GATA4: variants seen among roughly 807,000 people sequenced by gnomAD.
GATA4 encodes the protein transcription factor GATA-4.
A neutral mutation model predicts 37.9 loss-of-function variants in GATA4; 7 were observed. The ratio of observed to expected loss-of-function variants is 0.18; its 90% CI spans 0.11 to 0.35. GATA4 has a LOEUF of 0.35. Among genes scored for constraint, GATA4 ranks in the 10% least tolerant of loss-of-function variants. The pLI is 1.00. For synonymous variants in GATA4, 372 were observed against 292.6 expected, an observed-to-expected ratio of 1.27 and a Z score of -2.77; for missense variants, 647 against 653.0, an observed-to-expected ratio of 0.99 and a Z score of 0.10.
intron 2 of GATA4, among the ~76,000 whole-genome samples, chr8:11,722,924 G>A (rs1467016876): frequency 6.6e-6 from 1 of 152,184 alleles, no homozygotes; most frequent in Admixed American, 6.5e-5. Context: ...GGTACAGTTT[G>A]TCTAGGAAAG....
At chr8:11,746,287 T>G (rs1475100484) in intron 2 of GATA4, among the ~76,000 whole-genome samples, 4 of 151,978 alleles carry the variant, frequency 2.6e-5, no homozygotes, top group Admixed American at 2.6e-4. Flanking sequence ...GGAGTATCTC[T>G]TGAGGCCAGG....
At chr8:11,751,868 C>T (rs1318529352) in intron 4 of GATA4, among the ~76,000 whole-genome samples, 1 of 152,190 alleles carries the variant, frequency 6.6e-6, no homozygotes, top group African/African-American at 2.4e-5. Flanking sequence ...TGAATTACTG[C>T]ATCTATTAAC....
At chr8:11,697,716 T>G (rs1799547062) in intron 1 of GATA4, 3 of 985,408 alleles carry the variant, frequency 3.0e-6, no homozygotes, top group Middle Eastern at 5.2e-4. Flanking sequence ...CGCGCTTCCT[T>G]GACACTTTCC....
rs3729849 is a variant in GATA4, at chr8:11,750,450, A to G, written c.912+214A>G. ...TTACAGATGAGCAGGCTACATTTAT[A>G]TGTAGCAGTTTGATGTGTAACAAAG... On this transcript the variant is annotated intron_variant, in intron 4 of 6. Coordinates refer to ENST00000532059, the MANE Select transcript of GATA4 (RefSeq NM_001308093.3). Among the ~76,000 whole-genome samples the G allele has an allele frequency of 0.42, 63,168 of 152,162 alleles. 14,732 individuals are homozygous for G. The highest frequency in any genetic ancestry group is 0.61 in the East Asian group (3,171 of 5,178).
intron 2 of GATA4, among the ~76,000 whole-genome samples, chr8:11,720,794 G>A (rs1800638858): frequency 6.6e-6 from 1 of 151,022 alleles, no homozygotes; most frequent in Admixed American, 6.6e-5. Flanking sequence ...TTTTTTATAC[G>A]GCTGCATTGT....
In GATA4 at chr8:11,708,120, G is replaced by C. The variant is rs772015996; in HGVS notation, c.-193G>C. 917 of 714,996 alleles carry C rather than the reference G, an allele frequency of 1.3e-3. 7 individuals are homozygous for C. The highest frequency in any genetic ancestry group is 7.3e-4 in the Middle Eastern group (2 of 2,752). 44.3% of individuals were successfully genotyped at this position (714,996 alleles called of 1,614,324 possible). ...ATTTTCCGGAGTAAACAAGAGCCTA[G>C]AGCCCTTTGCTCAATGCTGGATTTA... On this transcript the variant is annotated 5_prime_UTR_variant, in exon 2 of 7. Coordinates refer to ENST00000532059, the MANE Select transcript of GATA4 (RefSeq NM_001308093.3). The surrounding 1 kb of genome is among the most constrained non-coding windows in gnomAD (Gnocchi z 6.7).
chr8:11,694,528 G>A (rs747562105), intron 1 of GATA4: 3 of 985,176 alleles, frequency 3.0e-6, no homozygotes, highest in Non-Finnish European at 2.4e-6. Context: ...TGGTTCCTCT[G>A]CTGCTTAATT....
chr8:11,688,473 C>T (rs1799209603), upstream of GATA4, among the ~76,000 whole-genome samples: 2 of 152,094 alleles, frequency 1.3e-5, no homozygotes, highest in Admixed American at 1.3e-4. Flanking sequence ...CTTTTTAAAC[C>T]TACTGAGGTG....
chr8:11,758,530 AAAG>A lies in GATA4; in HGVS notation c.*59_*61del. 2 of 1,586,720 alleles carry A rather than the reference AAAG, an allele frequency of 1.3e-6. No homozygotes were observed. Among genetic ancestry groups the A allele is most frequent in the African/African-American group, 1.3e-5 (1 of 74,422 alleles). ...ACGGACCTGGGACTTGGAGGATAGC[AAAG>A]AAGGAGGCCCTGGGCTCCCAGGGGC... On this transcript the variant is annotated 3_prime_UTR_variant, in exon 7 of 7. Coordinates refer to ENST00000532059, the MANE Select transcript of GATA4 (RefSeq NM_001308093.3).
upstream of GATA4, among the ~76,000 whole-genome samples, chr8:11,701,997 C>T (rs911099558): frequency 2.0e-5 from 3 of 152,190 alleles, no homozygotes; most frequent in Admixed American, 6.5e-5. Context: ...CACAGTACAG[C>T]CTGTTATAGC....
upstream of GATA4, chr8:11,692,452 C>G (rs1468706642): frequency 2.2e-6 from 2 of 898,384 alleles, no homozygotes; most frequent in Admixed American, 6.2e-5. Flanking sequence ...TCGAATGAAC[C>G]CTAATAGAAT....
chr8:11,701,000 C>G (rs1025580046), upstream of GATA4, among the ~76,000 whole-genome samples: 2 of 152,168 alleles, frequency 1.3e-5, no homozygotes, highest in Non-Finnish European at 2.9e-5. Flanking sequence ...ATTCCAGCAT[C>G]CACCGTTTAT....
chr8:11,688,196 A>G (rs1799200736), upstream of GATA4, among the ~76,000 whole-genome samples: 1 of 152,242 alleles, frequency 6.6e-6, no homozygotes, highest in Non-Finnish European at 1.5e-5. Context: ...ACGTGAGATC[A>G]AAACAGTGAA....
chr8:11,693,562 C>CACACACACAGAGAGAGAGAG (rs1405047773), intron 1 of GATA4, among the ~76,000 whole-genome samples: 2 of 72,146 alleles, frequency 2.8e-5, no homozygotes, highest in African/African-American at 5.1e-5. Context: ...CACACACACA[C>CACACACACAGAGAGAGAGAG]AGAGAGAGAG....
chr8:11,702,121 T>C (rs1251298563), upstream of GATA4, among the ~76,000 whole-genome samples: 1 of 152,096 alleles, frequency 6.6e-6, no homozygotes, highest in Non-Finnish European at 1.5e-5. The surrounding 1 kb of genome is among the most constrained non-coding windows in gnomAD (Gnocchi z 4.4). Flanking sequence ...GCACCGCACC[T>C]CCCGCTGCAG....
intron 2 of GATA4, among the ~76,000 whole-genome samples, chr8:11,712,672 A>G (rs1308308926): frequency 6.7e-6 from 1 of 148,862 alleles, no homozygotes; most frequent in Non-Finnish European, 1.5e-5. Context: ...CCTGGACAAC[A>G]TAGTGAGACC....
chr8:11,678,600 G>A (rs1215995366), intron 1 of GATA4, among the ~76,000 whole-genome samples: 1 of 152,154 alleles, frequency 6.6e-6, no homozygotes, highest in Non-Finnish European at 1.5e-5. Flanking sequence ...TATGTAAGGT[G>A]GCTAGAATCC....
chr8:11,695,574 T>G (rs1436058556), intron 1 of GATA4, among the ~76,000 whole-genome samples: 3 of 152,214 alleles, frequency 2.0e-5, no homozygotes, highest in Non-Finnish European at 4.4e-5. Context: ...AGGCCAGTCC[T>G]TGGCTTACCC....
At chr8:11,687,084 C>T (rs2129957344) in intron 1 of GATA4, among the ~76,000 whole-genome samples, 1 of 152,092 alleles carries the variant, frequency 6.6e-6, no homozygotes, top group East Asian at 1.9e-4. Flanking sequence ...GAGCAGACAT[C>T]TGTGTTCTTG....
Sources: allele counts gnomAD v4.1 joint callset (sites outside exome capture counted in the v4.1 genomes callset), GRCh38; gene constraint gnomAD v4.1.1; non-coding constraint Gnocchi (gnomAD v3.1); transcripts MANE v1.5; gene names NCBI Gene and HGNC (gene_info 2026-07-23, HGNC 2026-07-21).